THAP2: variants seen among roughly 807,000 people sequenced by gnomAD.
THAP2 encodes THAP domain containing 2.
Under a neutral mutation model 18.8 loss-of-function variants are expected in THAP2, and 16 were observed. That is an observed-to-expected ratio of 0.85 (90% CI 0.58 to 1.29). THAP2 has a LOEUF of 1.29. Among genes scored for constraint, THAP2 ranks in the 50% most tolerant of loss-of-function variants. THAP2 has a pLI of 0.00. For synonymous variants in THAP2, 80 were observed against 89.2 expected (o/e 0.90, Z 0.58); for missense variants, 251 against 265.3 (o/e 0.95, Z 0.38).
chr12:71,674,279 A>G lies in THAP2; in HGVS notation c.148A>G (p.Thr50Ala), dbSNP rs767428383. The G allele has an allele frequency of 3.7e-6, 6 of 1,613,156 alleles. No homozygotes were observed. The highest frequency in any genetic ancestry group is 1.3e-5 in the African/African-American group (1 of 74,782). Reference sequence around the variant, plus strand: ...CAAAAATTTTGTGCCAGGAAAACACACTTTTCTTTGTTCAAAGCACTTTGA... The same window carrying G: ...CAAAAATTTTGTGCCAGGAAAACACGCTTTTCTTTGTTCAAAGCACTTTGA... ...RRKNFVPGKH[T>A]FLCSKHFEAS... Residue 50 changes from threonine (T) to alanine (A), a missense_variant, in exon 2 of 3, where the codon ACT becomes GCT. Thr to Ala is a moderately conservative substitution (Grantham distance 58, BLOSUM62 0). Transcript: ENST00000308086.
At position 71,677,195 on chromosome 12, in the gene THAP2, TAATAA is replaced by T; in HGVS notation, c.*89_*93del. The T allele has an allele frequency of 1.6e-6, 2 of 1,235,394 alleles. No individual in the cohort carries two copies. Among genetic ancestry groups the T allele is most frequent in the Non-Finnish European group, 2.1e-6 (2 of 939,486 alleles). 76.5% of individuals were successfully genotyped at this position (1,235,394 alleles called of 1,614,324 possible). A position where few individuals can be genotyped will look rare whatever the true frequency, so the allele number is the denominator to read the frequency against. ...GGCACTTATGCCAAAATTCATTATT[TAATAA>T]AGTTTTACTTGAAGTAACATTACTG... On this transcript the variant is annotated 3_prime_UTR_variant, in exon 3 of 3. Transcript: ENST00000308086.
chr12:71,666,859 C>G (rs948787109), intron 1 of THAP2, among the ~76,000 whole-genome samples: 8 of 152,156 alleles, frequency 5.3e-5, no homozygotes, highest in Admixed American at 5.2e-4. Flanking sequence ...CTCAGCCTCC[C>G]GAATAGCTGG....
At chr12:71,674,444 A>C in intron 2 of THAP2, 46 bp downstream of exon 2, 25 of 1,515,286 alleles carry the variant, frequency 1.6e-5, no homozygotes, top group Non-Finnish European at 2.2e-5. Flanking sequence ...TTTAGAACTC[A>C]TTCCTTTTTG....
At chr12:71,669,590 C>T (rs1206365833) in intron 1 of THAP2, among the ~76,000 whole-genome samples, 1 of 152,098 alleles carries the variant, frequency 6.6e-6, no homozygotes, top group Non-Finnish European at 1.5e-5. Context: ...CCATCAAATA[C>T]TGGGACAGAG....
chr12:71,680,225 G>C lies in THAP2; in HGVS notation c.*3117G>C, dbSNP rs1881579716. 1 of 152,074 alleles carries C rather than the reference G, an allele frequency of 6.6e-6. No homozygotes were observed. Among genetic ancestry groups the C allele is most frequent in the Admixed American group, 6.6e-5 (1 of 15,264 alleles). 9.4% of individuals were successfully genotyped at this position (152,074 alleles called of 1,614,324 possible). On this transcript the variant is annotated 3_prime_UTR_variant, in exon 3 of 3. Transcript: ENST00000308086. ...ATTTACTGTGTGCCAACTTGCAAAA[G>C]GAATAGAAATGTCTGTGATCTAGAT...
chr12:71,671,170 GTCTTAC>G (rs1183520423), intron 1 of THAP2, among the ~76,000 whole-genome samples: 3 of 152,070 alleles, frequency 2.0e-5, no homozygotes, highest in Admixed American at 2.0e-4. Context: ...CATAATTTCT[GTCTTAC>G]TCTTTTTCAT....
Position 71,677,022 on chromosome 12 carries a change from GA to G in THAP2, c.603del (p.Asp202IlefsTer15). The G allele has an allele frequency of 6.2e-7, 1 of 1,613,446 alleles. No homozygotes were observed. Among genetic ancestry groups the G allele is most frequent in the Non-Finnish European group, 8.5e-7 (1 of 1,179,568 alleles). The part of the protein sequence containing the change: ...LPTALSSLPL[E>X]DFKILEQDQQ... ...AACTGCCTTAAGCAGTCTTCCTTTGGAAGATTTTAAGATCCTTGAACAAGAT... is the reference window on the plus strand; with the variant it reads ...AACTGCCTTAAGCAGTCTTCCTTTGGAGATTTTAAGATCCTTGAACAAGAT... On this transcript the variant is annotated frameshift_variant, in exon 3 of 3. Transcript: ENST00000308086. LOFTEE classifies it high-confidence loss of function.
intron 1 of THAP2, among the ~76,000 whole-genome samples, chr12:71,671,616 T>G (rs1307891954): frequency 3.9e-5 from 6 of 152,246 alleles, no homozygotes; most frequent in African/African-American, 1.4e-4. Flanking sequence ...TTTATTGTTT[T>G]GGGCTTGGTT....
rs1438254670 is a variant in THAP2 at position 71,680,243 on chromosome 12, A to G, written c.*3135A>G. 1 of 152,208 alleles carries G rather than the reference A, an allele frequency of 6.6e-6. No individual in the cohort carries two copies. Among genetic ancestry groups the G allele is most frequent in the East Asian group, 1.9e-4 (1 of 5,200 alleles). 9.4% of individuals were successfully genotyped at this position (152,208 alleles called of 1,614,324 possible). The stretch of plus-strand genomic sequence containing the variant: ...TGCAAAAGGAATAGAAATGTCTGTG[A>G]TCTAGATAGTTCTAGATTGAACATA... On this transcript the variant is annotated 3_prime_UTR_variant, in exon 3 of 3. Transcript: ENST00000308086.
chr12:71,675,426 A>T (rs1881506229), intron 2 of THAP2, among the ~76,000 whole-genome samples: 1 of 152,058 alleles, frequency 6.6e-6, no homozygotes, highest in Non-Finnish European at 1.5e-5. Context: ...CTTATTTTTG[A>T]CATTTTGATA....
At chr12:71,665,961 A>C (rs578132558) in intron 1 of THAP2, among the ~76,000 whole-genome samples, 2 of 152,340 alleles carry the variant, frequency 1.3e-5, no homozygotes, top group African/African-American at 4.8e-5. Flanking sequence ...ATCTTGCTAC[A>C]ATGTCAACTA....
rs2137583548 is a variant in THAP2 at position 71,677,524 on chromosome 12, G to C, written c.*416G>C. On this transcript the variant is annotated 3_prime_UTR_variant, in exon 3 of 3. Coordinates refer to ENST00000308086, the MANE Select transcript of THAP2 (RefSeq NM_031435.4). ...ATTCAACATGACCTTAAAACTGCTG[G>C]GTTTTGTATTAATTAAATTATAATT... The C allele has an allele frequency of 6.6e-6, 1 of 152,190 alleles. No individual in the cohort carries two copies. Among genetic ancestry groups the C allele is most frequent in the Non-Finnish European group, 1.5e-5 (1 of 68,078 alleles). 9.4% of individuals were successfully genotyped at this position (152,190 alleles called of 1,614,324 possible). A position where few individuals can be genotyped will look rare whatever the true frequency, so the allele number is the denominator to read the frequency against.
rs144688896 is a variant in THAP2 at position 71,666,784 on chromosome 12, G to T, written c.71+2204G>T. Among the ~76,000 whole-genome samples the T allele has an allele frequency of 2.1e-4, 32 of 152,076 alleles. 1 individual carries two copies. Among genetic ancestry groups the T allele is most frequent in the African/African-American group, 7.5e-4 (31 of 41,486 alleles). ...GAGTCTCATTCTGTCACCCAGGCTG[G>T]AGTGCAATGGTGTGATCTTCGCTCA... On this transcript the variant is annotated intron_variant, in intron 1 of 2. Coordinates refer to ENST00000308086, the MANE Select transcript of THAP2 (RefSeq NM_031435.4).
At chr12:71,664,620 TC>T in intron 1 of THAP2, 40 bp downstream of exon 1, 1 of 1,608,316 alleles carries the variant, frequency 6.2e-7, no homozygotes, top group Non-Finnish European at 8.5e-7. Context: ...AAACTGGAGT[TC>T]CTATTGTGGC....
intron 1 of THAP2, chr12:71,667,510 C>G (rs1881363146): frequency 6.6e-6 from 1 of 152,186 alleles, no homozygotes; most frequent in African/African-American, 2.4e-5. Flanking sequence ...ACTGCCCTTC[C>G]CCAAACTTAC....
intron 1 of THAP2, among the ~76,000 whole-genome samples, chr12:71,667,104 T>C (rs978781585): frequency 6.6e-6 from 1 of 152,208 alleles, no homozygotes; most frequent in African/African-American, 2.4e-5. Flanking sequence ...TCTTACCTCT[T>C]AGCCAACTCA....
intron 2 of THAP2, among the ~76,000 whole-genome samples, chr12:71,676,164 G>A (rs935842494): frequency 6.6e-6 from 1 of 152,048 alleles, no homozygotes; most frequent in African/African-American, 2.4e-5. Flanking sequence ...TTAAATCCTT[G>A]AAGATATAAC....
Position 71,664,419 on chromosome 12 carries a change from C to G in THAP2, c.-91C>G. ...CTAAGCTCTCACGATTAAGGCACGC[C>G]TGCCTCGATTGTCCAGCCTCTGCCA... On this transcript the variant is annotated 5_prime_UTR_variant, in exon 1 of 3. Coordinates refer to ENST00000308086, the MANE Select transcript of THAP2 (RefSeq NM_031435.4). 6.6e-7 allele frequency: 1 copy of G among 1,520,656 alleles called. No homozygotes were observed. The highest frequency in any genetic ancestry group is 9.1e-7 in the Non-Finnish European group (1 of 1,096,904). 94.2% of individuals were successfully genotyped at this position (1,520,656 alleles called of 1,614,324 possible).
chr12:71,677,365 T>C lies in THAP2; in HGVS notation c.*257T>C. Reference sequence around the variant, plus strand: ...TTGTGTGTTTGAAAGGTGTTTTTTGTTTTTGTCTTTTTAAACTACTGTTAA... The same window carrying C: ...TTGTGTGTTTGAAAGGTGTTTTTTGCTTTTGTCTTTTTAAACTACTGTTAA... On this transcript the variant is annotated 3_prime_UTR_variant, in exon 3 of 3. Coordinates refer to ENST00000308086, the MANE Select transcript of THAP2 (RefSeq NM_031435.4). 1 of 252,364 alleles carries C rather than the reference T, an allele frequency of 4.0e-6. No homozygotes were observed. Among genetic ancestry groups the C allele is most frequent in the Non-Finnish European group, 7.5e-6 (1 of 132,820 alleles). The allele number at this position is 252,364 out of a possible 1,614,324, so 15.6% of individuals were successfully genotyped here. A position where few individuals can be genotyped will look rare whatever the true frequency, so the allele number is the denominator to read the frequency against.
Sources: allele counts gnomAD v4.1 joint callset (sites outside exome capture counted in the v4.1 genomes callset), GRCh38; gene constraint gnomAD v4.1.1; transcripts MANE v1.5; gene names NCBI Gene and HGNC (gene_info 2026-07-23, HGNC 2026-07-21).